Variants in MMS22L observed in about 807,000 individuals in gnomAD.
MMS22L encodes the protein MMS22 like, DNA repair protein, also known as protein MMS22-like.
A neutral mutation model predicts 159.1 loss-of-function variants in MMS22L; 74 were observed. That is an observed-to-expected ratio of 0.47 (90% confidence interval 0.39 to 0.56). The LOEUF (loss-of-function observed/expected upper bound fraction) is 0.56. MMS22L is among the 20% of genes least tolerant of loss of function. MMS22L has a pLI of 0.00. For synonymous variants in MMS22L, 517 were observed against 506.9 expected, an observed-to-expected ratio of 1.02 and a Z score of -0.27; for missense variants, 1,351 against 1,422.1, an observed-to-expected ratio of 0.95 and a Z score of 0.80.
Position 97,186,647 on chromosome 6 carries a change from C to A in MMS22L, c.2083G>T (p.Val695Leu). ...QLCQELQRDN[V>L]DLFVQSSLSA... ...AATGAAGACTGTACAAATAGGTCCA[C>A]ATTGTCCCTTTGAAGTTCCTGACAC... Residue 695 changes from valine (V) to leucine (L), a missense_variant, in exon 15 of 25, where the codon GTG becomes TTG. Physicochemically the swap from Val to Leu is conservative, Grantham distance 32 (BLOSUM62 1). Transcript: ENST00000683635. The A allele has an allele frequency of 6.3e-7, 1 of 1,587,512 alleles. No homozygotes were observed. Among genetic ancestry groups the A allele is most frequent in the Non-Finnish European group, 8.6e-7 (1 of 1,168,470 alleles).
intron 14 of MMS22L, among the ~76,000 whole-genome samples, chr6:97,206,697 G>C (rs1213376150): frequency 6.6e-6 from 1 of 151,854 alleles, no homozygotes; most frequent in Non-Finnish European, 1.5e-5. Context: ...TTTTTGAAAG[G>C]GGTAAAAAGA....
chr6:97,200,161 T>C (rs1219319250), intron 14 of MMS22L, among the ~76,000 whole-genome samples: 1 of 152,154 alleles, frequency 6.6e-6, no homozygotes, highest in African/African-American at 2.4e-5. Context: ...GACTAATACA[T>C]GTTTAAGATC....
At chr6:97,151,739 T>A in intron 23 of MMS22L, 32 bp downstream of exon 23, 1 of 1,558,180 alleles carries the variant, frequency 6.4e-7, no homozygotes, top group Non-Finnish European at 8.8e-7. Flanking sequence ...CTGGCAATAG[T>A]TTCCTTGCCA....
chr6:97,215,856 C>T (rs1158791153), intron 14 of MMS22L, among the ~76,000 whole-genome samples: 1 of 152,050 alleles, frequency 6.6e-6, no homozygotes, highest in Admixed American at 6.6e-5. Context: ...GGGAAATAGG[C>T]CTTAGGAGAC....
intron 10 of MMS22L, among the ~76,000 whole-genome samples, chr6:97,251,721 A>G (rs1813253096): frequency 6.6e-6 from 1 of 152,208 alleles, no homozygotes; most frequent in Non-Finnish European, 1.5e-5. Flanking sequence ...TTAAACACAG[A>G]CAATTCATTT....
At chr6:97,270,361 A>C in intron 6 of MMS22L, 1 of 450,980 alleles carries the variant, frequency 2.2e-6, no homozygotes, top group Non-Finnish European at 4.4e-6. Context: ...ATTTTTTTTA[A>C]TGTATGAGTA....
chr6:97,211,381 T>TA (rs1808356545), intron 14 of MMS22L, among the ~76,000 whole-genome samples: 1 of 152,084 alleles, frequency 6.6e-6, no homozygotes, highest in Admixed American at 6.6e-5. Flanking sequence ...ATAGATTACT[T>TA]AATAAGAGGG....
chr6:97,188,840 T>C (rs1181846294), intron 14 of MMS22L, among the ~76,000 whole-genome samples: 3 of 152,038 alleles, frequency 2.0e-5, no homozygotes, highest in Non-Finnish European at 4.4e-5. Context: ...TACACGCTTG[T>C]AATCCCAGCA....
rs138438600 is a variant in MMS22L, at chr6:97,172,630, A to G, written c.2839+433T>C. Among the ~76,000 whole-genome samples, 240 of 152,312 alleles carry G rather than the reference A, an allele frequency of 1.6e-3. 1 individual carries two copies. The highest frequency in any genetic ancestry group is 4.9e-3 in the African/African-American group (202 of 41,586). On this transcript the variant is annotated intron_variant, in intron 19 of 24. Coordinates refer to ENST00000683635, the MANE Select transcript of MMS22L (RefSeq NM_001350599.2). The stretch of plus-strand genomic sequence containing the variant: ...GTGAGAAACAAGATTTGAAGCATAA[A>G]TATTTTTAGTGCTGTATTAAATCCT...
intron 9 of MMS22L, among the ~76,000 whole-genome samples, chr6:97,257,604 G>A (rs1813963956): frequency 6.6e-6 from 1 of 151,888 alleles, no homozygotes; most frequent in Non-Finnish European, 1.5e-5. Context: ...AGGTAATCTT[G>A]TTTATTTTTT....
rs1802487394 is a variant in MMS22L at position 97,161,998 on chromosome 6, A to C, written c.3385+4T>G. 6.2e-7 allele frequency: 1 copy of C among 1,603,558 alleles called. No homozygotes were observed. The highest frequency in any genetic ancestry group is 2.2e-5 in the East Asian group (1 of 44,724). On this transcript the variant is annotated splice_donor_region_variant and intron_variant, in intron 22 of 24. Transcript: ENST00000683635. The stretch of plus-strand genomic sequence containing the variant: ...TGGTAACAAAAATAAGCTTACAAAC[A>C]AACCTTGTGGTTCACTGACTAACAC...
chr6:97,266,424 T>A (rs999354526), intron 8 of MMS22L: 2 of 152,220 alleles, frequency 1.3e-5, no homozygotes, highest in Non-Finnish European at 2.9e-5. Flanking sequence ...AAATTGTCCA[T>A]CAACAGATGA....
At chr6:97,178,674 T>G (rs1329518488) in intron 17 of MMS22L, 89 bp from the exon 18 acceptor site, 4 of 601,348 alleles carry the variant, frequency 6.7e-6, no homozygotes, top group Non-Finnish European at 1.1e-5. Flanking sequence ...AATGTATATA[T>G]GAGAAGTAAT....
chr6:97,278,263 G>T (rs375191007), intron 4 of MMS22L, among the ~76,000 whole-genome samples: 2 of 151,782 alleles, frequency 1.3e-5, no homozygotes, highest in African/African-American at 4.8e-5. Context: ...ATTAGCTGGG[G>T]GTGGTGGCAG....
chr6:97,281,345 T>A lies in MMS22L; in HGVS notation c.182A>T (p.Asp61Val). 1 of 1,601,928 alleles carries A rather than the reference T, an allele frequency of 6.2e-7. No homozygotes were observed. Among genetic ancestry groups the A allele is most frequent in the South Asian group, 1.1e-5 (1 of 89,240 alleles). Residue 61 changes from aspartate (D) to valine (V), a missense_variant, in exon 3 of 25, where the codon GAC becomes GTC. Physicochemically the swap from Asp to Val is radical, Grantham distance 152. Coordinates refer to ENST00000683635, the MANE Select transcript of MMS22L (RefSeq NM_001350599.2). ...GALKRLILNLDPLPTNFEEDT... is the reference protein window; with the variant it reads ...GALKRLILNLVPLPTNFEEDT... ...TTCTTCAAAATTAGTTGGTAAAGGG[T>A]CAAGATTCAAAATCAATCTGAAATG...
intron 22 of MMS22L, among the ~76,000 whole-genome samples, chr6:97,158,282 AT>A (rs1333412137): frequency 2.0e-5 from 3 of 151,684 alleles, no homozygotes; most frequent in African/African-American, 7.3e-5. Flanking sequence ...GGATTCACTG[AT>A]TTTTTTGAAG....
intron 14 of MMS22L, among the ~76,000 whole-genome samples, chr6:97,228,144 C>T (rs1810452208): frequency 6.6e-6 from 1 of 152,102 alleles, no homozygotes; most frequent in African/African-American, 2.4e-5. Context: ...ATTACAAATG[C>T]TTCAGTAAAA....
At chr6:97,191,613 A>G (rs1481773669) in intron 14 of MMS22L, among the ~76,000 whole-genome samples, 1 of 152,224 alleles carries the variant, frequency 6.6e-6, no homozygotes, top group Non-Finnish European at 1.5e-5. Flanking sequence ...AATATAATGG[A>G]AAATTTTAAG....
chr6:97,160,478 T>C (rs75252550), intron 22 of MMS22L, among the ~76,000 whole-genome samples: 1 of 152,040 alleles, frequency 6.6e-6, no homozygotes, highest in South Asian at 2.1e-4. Context: ...CAGCTGTTAA[T>C]CTTACTGGGG....
Sources: allele counts gnomAD v4.1 joint callset (sites outside exome capture counted in the v4.1 genomes callset), GRCh38; gene constraint gnomAD v4.1.1; transcripts MANE v1.5; gene names NCBI Gene and HGNC (gene_info 2026-07-23, HGNC 2026-07-21).